H1-7: variants seen among roughly 807,000 people sequenced by gnomAD.
H1-7 encodes testis-specific H1 histone.
H1-7 carries 1 observed loss-of-function variant against 0.3 expected under a neutral mutation model. That is an observed-to-expected ratio of 3.06 (90% CI 1.09 to 14.53). The LOEUF (loss-of-function observed/expected upper bound fraction) is 14.53. H1-7 is among the 30% of genes most tolerant of loss of function. The pLI, the probability that H1-7 is intolerant of heterozygous loss-of-function variation, is 0.12. For synonymous variants in H1-7, 177 were observed against 153.2 expected (o/e 1.16, Z -1.15); for missense variants, 393 against 353.1 (o/e 1.11, Z -0.91).
chr12:48,329,777 C>A lies in H1-7; in HGVS notation c.486C>A (p.Arg162=). Residue 162 remains arginine, a synonymous_variant, in exon 1 of 1, where the codon CGC becomes CGA. Coordinates refer to ENST00000335017, the MANE Select transcript of H1-7 (RefSeq NM_181788.1). ...CCCGGAGGCGCCGCCAGCCCCTTCG[C>A]AAGGCGGCCAGGAAGGCCAGAGAAG... ...RSSRRRRQPL[R]KAARKAREVW... 1 of 1,599,360 alleles carries A rather than the reference C, an allele frequency of 6.3e-7. No individual in the cohort carries two copies. The highest frequency in any genetic ancestry group is 8.5e-7 in the Non-Finnish European group (1 of 1,174,102).
rs1056238916 is a variant in H1-7, at chr12:48,329,136, G to A, written c.-156G>A. 1 of 824,776 alleles carries A rather than the reference G, an allele frequency of 1.2e-6. No homozygotes were observed. The highest frequency in any genetic ancestry group is 1.7e-5 in the African/African-American group (1 of 57,398). 51.1% of individuals were successfully genotyped at this position (824,776 alleles called of 1,614,324 possible). On this transcript the variant is annotated 5_prime_UTR_variant, in exon 1 of 1. Transcript: ENST00000335017. ...CTGTTGGGGGTGGACAGGCGCTGAAGACTTGGATTGGTTTAGACCTAGAAG... is the reference window on the plus strand; with the variant it reads ...CTGTTGGGGGTGGACAGGCGCTGAAAACTTGGATTGGTTTAGACCTAGAAG...
Position 48,329,604 on chromosome 12 carries a change from A to G in H1-7, c.313A>G (p.Lys105Glu). ...GRHEAPRGQA[K>E]ATLLRVSGSD... is the part of the protein sequence containing the mutation. ...CCACGAAGCGCCCAGGGGGCAGGCC[A>G]AGGCCACGCTCCTCCGGGTCAGCGG... The change falls in exon 1 of 1, where the codon AAG becomes GAG. Residue 105 changes from lysine to glutamate, a missense_variant. Coordinates refer to ENST00000335017, the MANE Select transcript of H1-7 (RefSeq NM_181788.1). The G allele has an allele frequency of 1.2e-6, 2 of 1,612,738 alleles. No homozygotes were observed. Among genetic ancestry groups the G allele is most frequent in the Non-Finnish European group, 1.7e-6 (2 of 1,179,688 alleles).
the H1-7 span, chr12:48,329,541 C>T: frequency 2.5e-6 from 4 of 1,612,964 alleles, no homozygotes; most frequent in African/African-American, 1.3e-5. Flanking sequence ...GAAGGAGCTC[C>T]GAAACGCCGG....
chr12:48,330,153 C>T lies in H1-7; in HGVS notation c.*94C>T. 7.3e-7 allele frequency: 1 copy of T among 1,363,356 alleles called. No homozygotes were observed. Among genetic ancestry groups the T allele is most frequent in the South Asian group, 1.5e-5 (1 of 65,624 alleles). 84.5% of individuals were successfully genotyped at this position (1,363,356 alleles called of 1,614,324 possible). A position where few individuals can be genotyped will look rare whatever the true frequency, so the allele number is the denominator to read the frequency against. ...GACCTCCCCTAAATCTGAAGGTCTTCCTGATCCAGTTGGGAATGCATCTTG... is the reference window on the plus strand; with the variant it reads ...GACCTCCCCTAAATCTGAAGGTCTTTCTGATCCAGTTGGGAATGCATCTTG... On this transcript the variant is annotated 3_prime_UTR_variant, in exon 1 of 1. Transcript: ENST00000335017.
chr12:48,329,591 C>T lies in H1-7; in HGVS notation c.300C>T (p.Pro100=), dbSNP rs199984804. 6.2e-6 allele frequency: 10 copies of T among 1,612,980 alleles called. No homozygotes were observed. The African/African-American group carries it at 1.3e-4, about 21-fold the overall frequency. The change falls in exon 1 of 1, where the codon CCC becomes CCT. Residue 100 remains proline (P), a synonymous_variant. Transcript: ENST00000335017. The part of the protein sequence containing the change: ...VRRKSGRHEA[P]RGQAKATLLR... ...GGAAGAGCGGCCGCCACGAAGCGCC[C>T]AGGGGGCAGGCCAAGGCCACGCTCC...
Position 48,329,962 on chromosome 12 carries a change from A to T in H1-7, c.671A>T (p.Asp224Val). The change falls in exon 1 of 1, where the codon GAC becomes GTC. Residue 224 changes from aspartate to valine, a missense_variant. Physicochemically the swap from Asp to Val is radical, Grantham distance 152. Coordinates refer to ENST00000335017, the MANE Select transcript of H1-7 (RefSeq NM_181788.1). ...GGGCGAGGACAGGCCGTGAAGGAAG[A>T]CACCACGCCGAGGTCAGGGAAGGAC... is the stretch of plus-strand genomic sequence containing the variant. ...DEGRGQAVKE[D>V]TTPRSGKDKR... The T allele has an allele frequency of 6.2e-7, 1 of 1,612,694 alleles. No homozygotes were observed. The highest frequency in any genetic ancestry group is 8.5e-7 in the Non-Finnish European group (1 of 1,179,388).
Position 48,330,071 on chromosome 12 carries a change from T to A in H1-7, c.*12T>A. The A allele has an allele frequency of 1.3e-6, 2 of 1,597,506 alleles. No individual in the cohort carries two copies. The highest frequency in any genetic ancestry group is 1.7e-6 in the Non-Finnish European group (2 of 1,172,918). ...GGACCATCCAGTAGCCAACGCGGGC[T>A]AAAACCGACCGGACATCTAGCGGGC... On this transcript the variant is annotated 3_prime_UTR_variant, in exon 1 of 1. Transcript: ENST00000335017.
Position 48,330,161 on chromosome 12 carries a change from A to C in H1-7, c.*102A>C, listed in dbSNP as rs953545689. The C allele has an allele frequency of 7.6e-7, 1 of 1,311,262 alleles. No individual in the cohort carries two copies. Among genetic ancestry groups the C allele is most frequent in the African/African-American group, 1.5e-5 (1 of 66,960 alleles). The allele number at this position is 1,311,262 out of a possible 1,614,324, so 81.2% of individuals were successfully genotyped here. A position where few individuals can be genotyped will look rare whatever the true frequency, so the allele number is the denominator to read the frequency against. On this transcript the variant is annotated 3_prime_UTR_variant, in exon 1 of 1. Transcript: ENST00000335017. ...CTAAATCTGAAGGTCTTCCTGATCC[A>C]GTTGGGAATGCATCTTGTGGGAGCA...
Position 48,329,867 on chromosome 12 carries a change from A to G in H1-7, c.576A>G (p.Ala192=). 1.3e-6 allele frequency: 2 copies of G among 1,589,510 alleles called. No individual in the cohort carries two copies. Among genetic ancestry groups the G allele is most frequent in the Non-Finnish European group, 1.7e-6 (2 of 1,168,528 alleles). ...CCAGGGCGAGGAGGACCAGGAGGGCAAGGCCGAGAGCCAAGGAGCCGCCGT... is the reference window on the plus strand; with the variant it reads ...CCAGGGCGAGGAGGACCAGGAGGGCGAGGCCGAGAGCCAAGGAGCCGCCGT... The part of the protein sequence containing the change: ...ANARARRTRR[A]RPRAKEPPCA... Residue 192 remains alanine (A), a synonymous_variant, in exon 1 of 1, where the codon GCA becomes GCG. Coordinates refer to ENST00000335017, the MANE Select transcript of H1-7 (RefSeq NM_181788.1).
rs1952541170 is a variant in H1-7 at position 48,329,480 on chromosome 12, G to T, written c.189G>T (p.Leu63Phe). The stretch of plus-strand genomic sequence containing the variant: ...GCTCCGTGCTCAGAGTGTCCCAGTT[G>T]GTGCTCCAGGCCATCTCCACTCACA... ...CSSSVLRVSQLVLQAISTHKG... is the reference protein window; with the variant it reads ...CSSSVLRVSQFVLQAISTHKG... The change falls in exon 1 of 1, where the codon TTG (leucine) becomes TTT (phenylalanine). Residue 63 changes from leucine (L) to phenylalanine (F), a missense_variant. Leu to Phe is a conservative substitution (Grantham distance 22, BLOSUM62 0). Coordinates refer to ENST00000335017, the MANE Select transcript of H1-7 (RefSeq NM_181788.1). 1 of 1,613,982 alleles carries T rather than the reference G, an allele frequency of 6.2e-7. No individual in the cohort carries two copies. Among genetic ancestry groups the T allele is most frequent in the Admixed American group, 1.7e-5 (1 of 60,004 alleles).
rs1013601087 is a variant in H1-7 at position 48,329,768 on chromosome 12, G to T, written c.477G>T (p.Gln159His). The T allele has an allele frequency of 5.0e-6, 8 of 1,599,734 alleles. No individual in the cohort carries two copies. The highest frequency in any genetic ancestry group is 6.8e-6 in the Non-Finnish European group (8 of 1,174,458). The change falls in exon 1 of 1, where the codon CAG (glutamine) becomes CAT (histidine). Residue 159 changes from glutamine (Q) to histidine (H), a missense_variant. Coordinates refer to ENST00000335017, the MANE Select transcript of H1-7 (RefSeq NM_181788.1). ...AAPRSSRRRR[Q>H]PLRKAARKAR... Reference sequence around the variant, plus strand: ...CCCGGAGCTCCCGGAGGCGCCGCCAGCCCCTTCGCAAGGCGGCCAGGAAGG... The same window carrying T: ...CCCGGAGCTCCCGGAGGCGCCGCCATCCCCTTCGCAAGGCGGCCAGGAAGG...
At position 48,329,580 on chromosome 12, in the gene H1-7, C is replaced by T. The variant is rs1218606994; in HGVS notation, c.289C>T (p.His97Tyr). ...GYEVRRKSGR[H>Y]EAPRGQAKAT... The stretch of plus-strand genomic sequence containing the variant: ...CGAAGTGCGCAGGAAGAGCGGCCGC[C>T]ACGAAGCGCCCAGGGGGCAGGCCAA... Residue 97 changes from histidine to tyrosine, a missense_variant, in exon 1 of 1, where the codon CAC (histidine) becomes TAC (tyrosine). Coordinates refer to ENST00000335017, the MANE Select transcript of H1-7 (RefSeq NM_181788.1). 2 of 1,612,936 alleles carry T rather than the reference C, an allele frequency of 1.2e-6. No individual in the cohort carries two copies. Among genetic ancestry groups the T allele is most frequent in the Non-Finnish European group, 1.7e-6 (2 of 1,179,804 alleles).
chr12:48,329,870 G>A lies in H1-7; in HGVS notation c.579G>A (p.Arg193=). ...NARARRTRRA[R]PRAKEPPCAR... Reference sequence around the variant, plus strand: ...GGGCGAGGAGGACCAGGAGGGCAAGGCCGAGAGCCAAGGAGCCGCCGTGTG... The same window carrying A: ...GGGCGAGGAGGACCAGGAGGGCAAGACCGAGAGCCAAGGAGCCGCCGTGTG... Residue 193 remains arginine, a synonymous_variant, in exon 1 of 1, where the codon AGG becomes AGA. Transcript: ENST00000335017. The A allele has an allele frequency of 6.3e-7, 1 of 1,589,354 alleles. No individual in the cohort carries two copies. The highest frequency in any genetic ancestry group is 1.7e-4 in the Middle Eastern group (1 of 5,872).
chr12:48,329,834 G>A lies in H1-7; in HGVS notation c.543G>A (p.Lys181=), dbSNP rs745535455. The part of the protein sequence containing the change: ...VWRRNARAKA[K]ANARARRTRR... ...GACGGAACGCGAGGGCGAAAGCCAAGGCCAATGCCAGGGCGAGGAGGACCA... is the reference window on the plus strand; with the variant it reads ...GACGGAACGCGAGGGCGAAAGCCAAAGCCAATGCCAGGGCGAGGAGGACCA... The change falls in exon 1 of 1, where the codon AAG becomes AAA. Residue 181 remains lysine, a synonymous_variant. Transcript: ENST00000335017. 1.0e-5 allele frequency: 16 copies of A among 1,593,016 alleles called. No homozygotes were observed. The highest frequency in any genetic ancestry group is 5.4e-5 in the African/African-American group (4 of 74,754).
At position 48,329,107 on chromosome 12, in the gene H1-7, G is replaced by C. The variant is rs996171234; in HGVS notation, c.-185G>C. The C allele has an allele frequency of 1.6e-6, 1 of 620,072 alleles. No homozygotes were observed. Among genetic ancestry groups the C allele is most frequent in the African/African-American group, 1.9e-5 (1 of 53,472 alleles). The allele number at this position is 620,072 out of a possible 1,614,324, so 38.4% of individuals were successfully genotyped here. Reference sequence around the variant, plus strand: ...AAAACCCTGGAGACTCTATAGGTAGGTGACTGTTGGGGGTGGACAGGCGCT... The same window carrying C: ...AAAACCCTGGAGACTCTATAGGTAGCTGACTGTTGGGGGTGGACAGGCGCT... On this transcript the variant is annotated 5_prime_UTR_variant, in exon 1 of 1. Coordinates refer to ENST00000335017, the MANE Select transcript of H1-7 (RefSeq NM_181788.1).
chr12:48,330,116 G>A lies in H1-7; in HGVS notation c.*57G>A. On this transcript the variant is annotated 3_prime_UTR_variant, in exon 1 of 1. Transcript: ENST00000335017. ...GCGGGCAGGGGAAGACTCCACTAAA[G>A]ACTTCCACAAAGACCTCCCCTAAAT... 6.6e-7 allele frequency: 1 copy of A among 1,506,334 alleles called. No homozygotes were observed. Among genetic ancestry groups the A allele is most frequent in the Non-Finnish European group, 8.8e-7 (1 of 1,130,562 alleles). 93.3% of individuals were successfully genotyped at this position (1,506,334 alleles called of 1,614,324 possible).
chr12:48,329,754 C>CG, the H1-7 span: 2 of 1,599,480 alleles, frequency 1.3e-6, no homozygotes, highest in Non-Finnish European at 1.7e-6. Flanking sequence ...CCGGAGCTCC[C>CG]GGAGGCGCCG....
In H1-7 at chr12:48,329,156, T is replaced by A; in HGVS notation, c.-136T>A. The A allele has an allele frequency of 9.5e-7, 1 of 1,049,438 alleles. No individual in the cohort carries two copies. The highest frequency in any genetic ancestry group is 1.4e-6 in the Non-Finnish European group (1 of 739,834). The allele number at this position is 1,049,438 out of a possible 1,614,324, so 65.0% of individuals were successfully genotyped here. On this transcript the variant is annotated 5_prime_UTR_variant, in exon 1 of 1. Coordinates refer to ENST00000335017, the MANE Select transcript of H1-7 (RefSeq NM_181788.1). ...CTGAAGACTTGGATTGGTTTAGACCTAGAAGGAAGTGGCATTTGATTGGTT... is the reference window on the plus strand; with the variant it reads ...CTGAAGACTTGGATTGGTTTAGACCAAGAAGGAAGTGGCATTTGATTGGTT...
Position 48,329,836 on chromosome 12 carries a change from C to T in H1-7, c.545C>T (p.Ala182Val). 1.3e-6 allele frequency: 2 copies of T among 1,592,598 alleles called. No individual in the cohort carries two copies. The highest frequency in any genetic ancestry group is 1.7e-6 in the Non-Finnish European group (2 of 1,170,212). Residue 182 changes from alanine to valine, a missense_variant, in exon 1 of 1, where the codon GCC (alanine) becomes GTC (valine). Physicochemically the swap from Ala to Val is moderately conservative, Grantham distance 64. Transcript: ENST00000335017. ...WRRNARAKAK[A>V]NARARRTRRA... ...CGGAACGCGAGGGCGAAAGCCAAGGCCAATGCCAGGGCGAGGAGGACCAGG... is the reference window on the plus strand; with the variant it reads ...CGGAACGCGAGGGCGAAAGCCAAGGTCAATGCCAGGGCGAGGAGGACCAGG...
Sources: allele counts gnomAD v4.1 joint callset, GRCh38; gene constraint gnomAD v4.1.1; transcripts MANE v1.5; gene names NCBI Gene and HGNC (gene_info 2026-07-23, HGNC 2026-07-21).